ZNF365: variants seen among roughly 807,000 people sequenced by gnomAD.
ZNF365 encodes the protein protein ZNF365.
ZNF365 carries 22 observed loss-of-function variants against 35.0 expected under a neutral mutation model. That is an observed-to-expected ratio of 0.63 (90% CI 0.45 to 0.90). The LOEUF (loss-of-function observed/expected upper bound fraction) is 0.90, where lower values mean the gene tolerates loss of function less well. ZNF365 is among the 40% of genes least tolerant of loss of function. The pLI is 0.00. For missense variants in ZNF365, 448 were observed against 500.3 expected, an observed-to-expected ratio of 0.90 and a Z score of 1.00; for synonymous variants, 188 against 196.2, an observed-to-expected ratio of 0.96 and a Z score of 0.35.
At chr10:62,398,807 T>A in intron 4 of ZNF365, 30 bp downstream of exon 4, 1 of 1,591,568 alleles carries the variant, frequency 6.3e-7, no homozygotes, top group Non-Finnish European at 8.6e-7. Context: ...CTTGGGCCAT[T>A]TGATAATGTT....
chr10:62,461,041 C>T (rs1375121013), intron 4 of ZNF365, among the ~76,000 whole-genome samples: 1 of 152,148 alleles, frequency 6.6e-6, no homozygotes, highest in African/African-American at 2.4e-5. Flanking sequence ...CAAAGACTTC[C>T]CTGTGCCTCT....
intron 3 of ZNF365, among the ~76,000 whole-genome samples, chr10:62,442,913 C>T (rs1840525291): frequency 6.6e-6 from 1 of 152,192 alleles, no homozygotes; most frequent in African/African-American, 2.4e-5. Context: ...CACTCCTGAC[C>T]AAGTTCTAGT....
At chr10:62,444,717 C>T (rs1438893896) in intron 3 of ZNF365, among the ~76,000 whole-genome samples, 2 of 152,166 alleles carry the variant, frequency 1.3e-5, no homozygotes, top group Non-Finnish European at 2.9e-5. Context: ...CCATCAACTC[C>T]AGGGAAGCCT....
intron 4 of ZNF365, among the ~76,000 whole-genome samples, chr10:62,464,516 T>C (rs117373806): frequency 5.8e-4 from 89 of 152,346 alleles, no homozygotes; most frequent in Non-Finnish European, 9.6e-4. Context: ...AGTTGTTGAA[T>C]GAATGGATGG....
At position 62,415,167 on chromosome 10, in the gene ZNF365, G is replaced by GT. The variant is rs781220843; in HGVS notation, c.924+26599dup. Among the ~76,000 whole-genome samples, 26 of 151,804 alleles carry GT rather than the reference G, an allele frequency of 1.7e-4. 1 individual carries two copies. In the East Asian group the frequency reaches 3.9e-3, roughly 23 times the overall value. On this transcript the variant is annotated intron_variant, in intron 3 of 4. Coordinates refer to the ZNF365 transcript ENST00000395255. ...ACCCGTGGCTCTATTTCTATTGCAT[G>GT]TTTTTTTTCCCTCTTGGTTTTCAGT...
At chr10:62,383,061 C>T (rs1056035522) in intron 2 of ZNF365, among the ~76,000 whole-genome samples, 1 of 152,162 alleles carries the variant, frequency 6.6e-6, no homozygotes, top group African/African-American at 2.4e-5. Context: ...TGGTTTTATG[C>T]CCCAGTACTT....
At chr10:62,385,899 G>A (rs951875872) in intron 2 of ZNF365, among the ~76,000 whole-genome samples, 1 of 152,094 alleles carries the variant, frequency 6.6e-6, no homozygotes, top group African/African-American at 2.4e-5. Context: ...TTTAAAAATG[G>A]TACTTTTTTT....
At chr10:62,415,444 T>G (rs1840058700) in intron 3 of ZNF365, among the ~76,000 whole-genome samples, 1 of 152,146 alleles carries the variant, frequency 6.6e-6, no homozygotes, top group East Asian at 1.9e-4. Flanking sequence ...CGATATTGTT[T>G]CTTAGGGTTT....
At chr10:62,467,454 A>T (rs1012965969) in intron 4 of ZNF365, among the ~76,000 whole-genome samples, 2 of 152,264 alleles carry the variant, frequency 1.3e-5, no homozygotes, top group African/African-American at 4.8e-5. Flanking sequence ...TCTGGGAATT[A>T]ATGAGTATCT....
At chr10:62,476,173 A>C (rs963535333) in intron 4 of ZNF365, among the ~76,000 whole-genome samples, 2 of 152,196 alleles carry the variant, frequency 1.3e-5, no homozygotes, top group African/African-American at 4.8e-5. Flanking sequence ...ATGCAGGAGA[A>C]AAATCTTCTC....
At chr10:62,444,744 C>T (rs182855998) in intron 3 of ZNF365, among the ~76,000 whole-genome samples, 1 of 152,114 alleles carries the variant, frequency 6.6e-6, no homozygotes, top group Non-Finnish European at 1.5e-5. Flanking sequence ...CTCTTTCAGG[C>T]AGATGCAGTC....
intron 3 of ZNF365, among the ~76,000 whole-genome samples, chr10:62,419,841 G>C (rs1325176420): frequency 6.6e-6 from 1 of 151,984 alleles, no homozygotes; most frequent in East Asian, 1.9e-4. Flanking sequence ...CCTACCCAAG[G>C]TCATGGAAAT....
chr10:62,466,374 C>A (rs57374631), intron 4 of ZNF365, among the ~76,000 whole-genome samples: 13,046 of 152,240 alleles, frequency 0.086, 1,799 homozygotes, highest in African/African-American at 0.29. Flanking sequence ...AGCTGGTGTG[C>A]CTGGCTGTGC....
At chr10:62,457,889 G>C (rs1333525657) in intron 3 of ZNF365, among the ~76,000 whole-genome samples, 1 of 152,164 alleles carries the variant, frequency 6.6e-6, no homozygotes, top group African/African-American at 2.4e-5. Context: ...CAAGTACAGA[G>C]AATCATGCAA....
intron 3 of ZNF365, among the ~76,000 whole-genome samples, chr10:62,453,909 C>A (rs1840723660): frequency 6.6e-6 from 1 of 152,194 alleles, no homozygotes; most frequent in South Asian, 2.1e-4. Flanking sequence ...TAGCCTCACA[C>A]CCCATTTAAA....
At position 62,472,132 on chromosome 10, in the gene ZNF365, T is replaced by C. The variant is rs114547767; in HGVS notation, c.982-7744T>C. ...ACATGCACCTGTCATAGATTACATT[T>C]ACCGTTTTCCAAGTGGTGCCCTTCA... On this transcript the variant is annotated intron_variant, in intron 4 of 4. Transcript: ENST00000395255. Among the ~76,000 whole-genome samples the C allele has an allele frequency of 9.9e-3, 1,507 of 152,316 alleles. 31 individuals carry two copies. The highest frequency in any genetic ancestry group is 0.035 in the African/African-American group (1,449 of 41,564).
At chr10:62,384,546 A>T (rs1364785253) in intron 2 of ZNF365, among the ~76,000 whole-genome samples, 1 of 152,240 alleles carries the variant, frequency 6.6e-6, no homozygotes, top group Non-Finnish European at 1.5e-5. Flanking sequence ...GTGGCTTCAT[A>T]GAAGGCAGCT....
rs200106895 is a variant in ZNF365 at position 62,376,953 on chromosome 10, G to T, written c.743+17G>T. ...GAAAGAAGAGTAAGTGTTGCTGACA[G>T]GGGATGCTAACCCCATTGCTTTAAG... On this transcript the variant is annotated intron_variant, in intron 2 of 4. Transcript: ENST00000395254. 1.7e-5 allele frequency: 14 copies of T among 816,196 alleles called. No homozygotes were observed. The highest frequency in any genetic ancestry group is 1.3e-4 in the South Asian group (7 of 53,226). The allele number at this position is 816,196 out of a possible 1,614,324, so 50.6% of individuals were successfully genotyped here.
At chr10:62,411,739 T>C (rs1038438332) in intron 3 of ZNF365, among the ~76,000 whole-genome samples, 2 of 152,100 alleles carry the variant, frequency 1.3e-5, no homozygotes, top group Non-Finnish European at 2.9e-5. Flanking sequence ...TCTTTTTGCT[T>C]AGGATTGTCT....
Sources: gnomAD v4.1 joint callset for allele counts (sites outside exome capture counted in the v4.1 genomes callset) on GRCh38, gnomAD v4.1.1 for gene constraint, MANE v1.5 for transcripts, NCBI Gene and HGNC (gene_info 2026-07-23, HGNC 2026-07-21) for gene names.